The following ADAM17 variants were observed in gnomAD, a reference collection of about 807,000 sequenced individuals.
ADAM17 encodes ADAM metallopeptidase domain 17.
ADAM17 carries 39 observed loss-of-function variants against 96.7 expected under a neutral mutation model. The ratio of observed to expected loss-of-function variants is 0.40; its 90% CI spans 0.31 to 0.53. The LOEUF is 0.53. Ranked by LOEUF, ADAM17 falls within the 20% of genes least tolerant of loss-of-function variation. The pLI, the probability that ADAM17 is intolerant of heterozygous loss-of-function variation, is 0.44. For synonymous variants in ADAM17, 344 were observed against 359.2 expected (o/e 0.96, Z 0.48); for missense variants, 777 against 1,013.2 (o/e 0.77, Z 3.17).
chr2:9,553,931 A>G (rs1333567349), intron 1 of ADAM17, among the ~76,000 whole-genome samples: 1 of 151,784 alleles, frequency 6.6e-6, no homozygotes, highest in African/African-American at 2.4e-5. Context: ...GCGTGGTGGC[A>G]CATGCCTGTA....
chr2:9,497,903 T>G (rs189995328), intron 13 of ADAM17, among the ~76,000 whole-genome samples: 20 of 152,320 alleles, frequency 1.3e-4, no homozygotes, highest in African/African-American at 4.8e-4. Flanking sequence ...ATATTTAATG[T>G]TATTTTCTGT....
intron 7 of ADAM17, chr2:9,521,749 AAAG>A (rs1664320844): frequency 6.8e-6 from 1 of 146,606 alleles, no homozygotes; most frequent in Non-Finnish European, 1.5e-5. Context: ...TTAAACCTGC[AAAG>A]AAGAAAAAAA....
At chr2:9,555,418 C>T in intron 1 of ADAM17, 91 bp downstream of exon 1, 1 of 1,121,506 alleles carries the variant, frequency 8.9e-7, no homozygotes, top group South Asian at 1.7e-5. Context: ...CAATACCCCG[C>T]CCCCAAACAC....
intron 14 of ADAM17, 61 bp downstream of exon 14, chr2:9,497,053 G>T (rs1662666054): frequency 1.0e-5 from 16 of 1,583,832 alleles, no homozygotes; most frequent in Non-Finnish European, 1.4e-5. Context: ...TGGAGGAAGG[G>T]AGCCTGGCAG....
chr2:9,541,158 T>C (rs534509760), intron 2 of ADAM17, among the ~76,000 whole-genome samples: 12 of 152,340 alleles, frequency 7.9e-5, no homozygotes, highest in Non-Finnish European at 1.5e-4. Context: ...AGTCAGTATG[T>C]TGTTACAATT....
intron 2 of ADAM17, among the ~76,000 whole-genome samples, chr2:9,537,948 G>GA: frequency 6.1e-5 from 2 of 32,978 alleles, no homozygotes; most frequent in African/African-American, 2.6e-4. Context: ...AGAGGGGAAG[G>GA]GGAGGGGGAA....
At position 9,493,792 on chromosome 2, in the gene ADAM17, C is replaced by T; in HGVS notation, c.1948G>A (p.Glu650Lys). The T allele has an allele frequency of 1.2e-6, 2 of 1,614,028 alleles. No homozygotes were observed. The highest frequency in any genetic ancestry group is 1.7e-6 in the Non-Finnish European group (2 of 1,179,976). ...KCEKRVQDVI[E>K]RFWDFIDQLS... is the part of the protein sequence containing the mutation. ...TGGTCAATGAAATCCCAAAATCGTT[C>T]AATTACATCCTGTACTCGTTTCTCA... The change falls in exon 16 of 19, where the codon GAA becomes AAA. Residue 650 changes from glutamate to lysine, a missense_variant. Physicochemically the swap from Glu to Lys is moderately conservative, Grantham distance 56. Around this residue, in one of 3 missense-constraint regions of ADAM17, gnomAD observed 446 missense variants for 664.7 expected, o/e 0.67. Coordinates refer to ENST00000310823, the MANE Select transcript of ADAM17 (RefSeq NM_003183.6).
chr2:9,510,257 G>A (rs192185866), intron 10 of ADAM17, 126 bp from the exon 11 acceptor site: 7 of 1,072,702 alleles, frequency 6.5e-6, no homozygotes, highest in African/African-American at 1.6e-5. Context: ...AGAACTGCAT[G>A]CTTATAATAC....
At chr2:9,526,907 G>T (rs1056753485) in intron 5 of ADAM17, among the ~76,000 whole-genome samples, 1 of 152,140 alleles carries the variant, frequency 6.6e-6, no homozygotes, top group Non-Finnish European at 1.5e-5. Flanking sequence ...ATTAACCAAT[G>T]TAACAGTAAA....
chr2:9,548,463 G>C (rs1427226883), intron 1 of ADAM17, among the ~76,000 whole-genome samples: 2 of 151,462 alleles, frequency 1.3e-5, no homozygotes, highest in East Asian at 1.9e-4. Flanking sequence ...AAGACTCCTA[G>C]GTTGTGGCTC....
In ADAM17 at chr2:9,526,203, T is replaced by A. The variant is rs1391226371; in HGVS notation, c.661A>T (p.Met221Leu). Residue 221 changes from methionine (M) to leucine (L), a missense_variant, in exon 6 of 19, where the codon ATG becomes TTG. Around this residue, in one of 3 missense-constraint regions of ADAM17, gnomAD observed 446 missense variants for 664.7 expected, o/e 0.67. Coordinates refer to ENST00000310823, the MANE Select transcript of ADAM17 (RefSeq NM_003183.6). The stretch of plus-strand genomic sequence containing the variant: ...ACCAATAATTTACACGTGTTCTTCA[T>A]GGGATCTGGGTCAGCTCTTCTTTTC... ...RVKRRADPDPMKNTCKLLVVA... is the reference protein window; with the variant it reads ...RVKRRADPDPLKNTCKLLVVA... The A allele has an allele frequency of 1.9e-6, 3 of 1,613,816 alleles. No individual in the cohort carries two copies. Among genetic ancestry groups the A allele is most frequent in the Non-Finnish European group, 2.5e-6 (3 of 1,179,884 alleles).
chr2:9,552,419 T>G lies in ADAM17; in HGVS notation c.97+3090A>C, dbSNP rs73151566. On this transcript the variant is annotated intron_variant, in intron 1 of 18. Coordinates refer to ENST00000310823, the MANE Select transcript of ADAM17 (RefSeq NM_003183.6). Reference sequence around the variant, plus strand: ...TACATTAAATCTCCCTTGGAGCAGTTAGGGCAGTTAAGCATTTAGGTTTCA... The same window carrying G: ...TACATTAAATCTCCCTTGGAGCAGTGAGGGCAGTTAAGCATTTAGGTTTCA... Among the ~76,000 whole-genome samples the G allele has an allele frequency of 2.1e-3, 321 of 152,312 alleles. 1 individual carries two copies. Among genetic ancestry groups the G allele is most frequent in the African/African-American group, 7.4e-3 (309 of 41,570 alleles).
In ADAM17 at chr2:9,521,242, A is replaced by G; in HGVS notation, c.918T>C (p.Asn306=). ...KHYNMAKSYP[N]EEKDAWDVKM... is the part of the protein sequence containing the mutation. ...TCACATCCCAAGCATCCTTTTCTTCATTTGGGTAACTTTTTGCCATGTTGT... is the reference window on the plus strand; with the variant it reads ...TCACATCCCAAGCATCCTTTTCTTCGTTTGGGTAACTTTTTGCCATGTTGT... The change falls in exon 8 of 19, where the codon AAT becomes AAC. Residue 306 remains asparagine (N), a synonymous_variant. Coordinates refer to ENST00000310823, the MANE Select transcript of ADAM17 (RefSeq NM_003183.6). The G allele has an allele frequency of 6.2e-7, 1 of 1,612,390 alleles. No homozygotes were observed. The highest frequency in any genetic ancestry group is 2.2e-5 in the East Asian group (1 of 44,832).
At chr2:9,517,831 C>T (rs1664132406) in intron 10 of ADAM17, 70 bp downstream of exon 10, 2 of 1,037,104 alleles carry the variant, frequency 1.9e-6, no homozygotes. Flanking sequence ...AAAATACCTA[C>T]ATAAATATAT....
intron 8 of ADAM17, among the ~76,000 whole-genome samples, chr2:9,518,801 ATTT>A (rs993893957): frequency 6.7e-6 from 1 of 149,666 alleles, no homozygotes; most frequent in East Asian, 1.9e-4. Flanking sequence ...GTTTGAGAGG[ATTT>A]TTTTTTTCTT....
At chr2:9,518,966 C>T (rs960922357) in intron 8 of ADAM17, among the ~76,000 whole-genome samples, 9 of 151,924 alleles carry the variant, frequency 5.9e-5, no homozygotes, top group East Asian at 3.9e-4. Flanking sequence ...AATGCAGTGA[C>T]GCAATCACAG....
intron 12 of ADAM17, among the ~76,000 whole-genome samples, chr2:9,503,088 C>T (rs1663116862): frequency 7.0e-6 from 1 of 142,672 alleles, no homozygotes; most frequent in Non-Finnish European, 1.5e-5. Flanking sequence ...TGCGGTGAGC[C>T]AAGATCGCGC....
chr2:9,521,006 GTTT>G (rs1266781552), intron 8 of ADAM17, among the ~76,000 whole-genome samples, 194 bp downstream of exon 8: 1 of 149,484 alleles, frequency 6.7e-6, no homozygotes, highest in Non-Finnish European at 1.5e-5. Flanking sequence ...GCTTTATAGC[GTTT>G]TTCTTTTTCA....
rs981201097 is a variant in ADAM17, at chr2:9,555,775, C to G, written c.-170G>C. 2.5e-5 allele frequency: 13 copies of G among 524,786 alleles called. No homozygotes were observed. Among genetic ancestry groups the G allele is most frequent in the Non-Finnish European group, 4.1e-5 (13 of 315,790 alleles). The allele number at this position is 524,786 out of a possible 1,614,324, so 32.5% of individuals were successfully genotyped here. A position where few individuals can be genotyped will look rare whatever the true frequency, so the allele number is the denominator to read the frequency against. On this transcript the variant is annotated 5_prime_UTR_variant, in exon 1 of 19. Coordinates refer to ENST00000310823, the MANE Select transcript of ADAM17 (RefSeq NM_003183.6). ...GATTCTACCGCCAGGCTCGACGCCC[C>G]CAGAAGTGCAGGTGGCGTTACCAAA...
Sources: gnomAD v4.1 joint callset for allele counts (sites outside exome capture counted in the v4.1 genomes callset) on GRCh38, gnomAD v4.1.1 for gene constraint, gnomAD v4.1.1 regional missense constraint, MANE v1.5 for transcripts, NCBI Gene and HGNC (gene_info 2026-07-23, HGNC 2026-07-21) for gene names.